The following ZDHHC18 variants were observed in gnomAD, a reference collection of about 807,000 sequenced individuals.
The protein encoded by ZDHHC18 is palmitoyltransferase ZDHHC18.
In ZDHHC18, 23 loss-of-function variants were observed where a neutral mutation model predicts 37.5. The observed-to-expected ratio is 0.61, with a 90% CI of 0.44 to 0.87. The LOEUF (loss-of-function observed/expected upper bound fraction) is 0.87. Ranked by LOEUF, ZDHHC18 falls within the 40% of genes least tolerant of loss-of-function variation. ZDHHC18 has a pLI of 0.00. For synonymous variants in ZDHHC18, 185 were observed against 218.7 expected (o/e 0.85, Z 1.36); for missense variants, 406 against 525.6 (o/e 0.77, Z 2.22).
At chr1:26,841,123 CA>C (rs2081636995) in intron 2 of ZDHHC18, among the ~76,000 whole-genome samples, 3 of 151,998 alleles carry the variant, frequency 2.0e-5, no homozygotes, top group Admixed American at 2.0e-4. Flanking sequence ...ATTACAGGTG[CA>C]CACCACCACA....
intron 6 of ZDHHC18, among the ~76,000 whole-genome samples, chr1:26,851,847 C>G (rs1403478821): frequency 6.6e-6 from 1 of 152,250 alleles, no homozygotes; most frequent in Non-Finnish European, 1.5e-5. Flanking sequence ...CTCCATTGAC[C>G]TTCCCTGCCT....
intron 2 of ZDHHC18, among the ~76,000 whole-genome samples, chr1:26,844,237 C>G (rs1402189920): frequency 6.6e-6 from 1 of 152,108 alleles, no homozygotes; most frequent in Non-Finnish European, 1.5e-5. Context: ...TGGGGTTTCA[C>G]CATGTTGGCC....
In ZDHHC18 at chr1:26,850,168, C is replaced by A; in HGVS notation, c.647-133C>A. ...ACAAAGGACCAGAGGCAGGTGTGTCCAAGGCCTGGGAGCCAGCTGGTGCTG... is the reference window on the plus strand; with the variant it reads ...ACAAAGGACCAGAGGCAGGTGTGTCAAAGGCCTGGGAGCCAGCTGGTGCTG... On this transcript the variant is annotated intron_variant, in intron 3 of 7. Transcript: ENST00000374142. This position sits in a 1 kb window ranked among gnomAD's most constrained non-coding sequence, Gnocchi z 6.1. 8.6e-7 allele frequency: 1 copy of A among 1,169,320 alleles called. No individual in the cohort carries two copies. Among genetic ancestry groups the A allele is most frequent in the Non-Finnish European group, 1.2e-6 (1 of 829,732 alleles). The allele number at this position is 1,169,320 out of a possible 1,614,324, so 72.4% of individuals were successfully genotyped here.
intron 2 of ZDHHC18, among the ~76,000 whole-genome samples, chr1:26,833,124 T>C (rs941807734): frequency 1.2e-4 from 19 of 152,332 alleles, no homozygotes; most frequent in Middle Eastern, 3.4e-3. Flanking sequence ...CTAGATGTGA[T>C]ACAGCAGTGA....
At chr1:26,831,162 A>G (rs1054255359) in intron 1 of ZDHHC18, among the ~76,000 whole-genome samples, 1 of 152,212 alleles carries the variant, frequency 6.6e-6, no homozygotes, top group African/African-American at 2.4e-5. Flanking sequence ...TACAGGAAAG[A>G]AAGAGCATTG....
At chr1:26,853,029 T>C in intron 7 of ZDHHC18, 164 bp downstream of exon 7, 2 of 604,946 alleles carry the variant, frequency 3.3e-6, no homozygotes, top group Non-Finnish European at 5.7e-6. Context: ...GAATTGTTAT[T>C]TAATCACGTG....
rs1040833397 is a variant in ZDHHC18 at position 26,850,820 on chromosome 1, GAA to G, written c.833+217_833+218del. 2.6e-5 allele frequency among the ~76,000 whole-genome samples: 4 copies of G among 152,180 alleles called. No homozygotes were observed. Among genetic ancestry groups the G allele is most frequent in the Non-Finnish European group, 4.4e-5 (3 of 68,036 alleles). ...GGGGTTCCTCGTCTTCAGGGGCCTG[GAA>G]AAGAGTATGTCCCTTAAGATGCCAA... On this transcript the variant is annotated intron_variant, in intron 5 of 7. Coordinates refer to ENST00000374142, the MANE Select transcript of ZDHHC18 (RefSeq NM_032283.3). The surrounding 1 kb of genome is among the most constrained non-coding windows in gnomAD (Gnocchi z 6.1).
At chr1:26,827,197 C>T in intron 1 of ZDHHC18, 58 bp downstream of exon 1, 1 of 1,274,420 alleles carries the variant, frequency 7.8e-7, no homozygotes, top group South Asian at 2.3e-5. Context: ...CCCACCTTCC[C>T]AATCCCTGCT....
chr1:26,836,546 C>T (rs1570668166), intron 2 of ZDHHC18, among the ~76,000 whole-genome samples: 1 of 150,690 alleles, frequency 6.6e-6, no homozygotes, highest in African/African-American at 2.4e-5. Context: ...CGCCTTGTAC[C>T]TTCATTTCTT....
In ZDHHC18 at chr1:26,856,093, C is replaced by T. The variant is rs556533871; in HGVS notation, c.*2250C>T. The T allele has an allele frequency of 3.4e-5, 14 of 411,190 alleles. No individual in the cohort carries two copies. The highest frequency in any genetic ancestry group is 4.1e-5 in the Non-Finnish European group (8 of 192,938). 25.5% of individuals were successfully genotyped at this position (411,190 alleles called of 1,614,324 possible). A position where few individuals can be genotyped will look rare whatever the true frequency, so the allele number is the denominator to read the frequency against. ...AGACAGTAGATTCCAGTTTGAGAGC[C>T]GGAGCTTCCCTGGCTACCACCTCCA... On this transcript the variant is annotated 3_prime_UTR_variant, in exon 8 of 8. Coordinates refer to ENST00000374142, the MANE Select transcript of ZDHHC18 (RefSeq NM_032283.3). The surrounding 1 kb of genome is among the most constrained non-coding windows in gnomAD (Gnocchi z 5.2).
chr1:26,840,938 G>A (rs922001230), intron 2 of ZDHHC18, among the ~76,000 whole-genome samples: 4 of 144,934 alleles, frequency 2.8e-5, no homozygotes, highest in Admixed American at 1.4e-4. Context: ...TCAGTCTCCC[G>A]TGTAGCTAGA....
intron 2 of ZDHHC18, among the ~76,000 whole-genome samples, chr1:26,841,373 A>G (rs1175833398): frequency 5.3e-5 from 8 of 152,104 alleles, no homozygotes; most frequent in Non-Finnish European, 1.0e-4. Flanking sequence ...GCCTCAAGCA[A>G]TCCTCCTGCT....
At chr1:26,851,271 C>T (rs746908978) in intron 6 of ZDHHC18, 40 bp downstream of exon 6, 1 of 1,596,564 alleles carries the variant, frequency 6.3e-7, no homozygotes, top group Non-Finnish European at 8.6e-7. Context: ...TAGGGCAGCG[C>T]CCTCAGGAGG....
At chr1:26,835,210 AGTTAGGGATATT>A (rs1557641033) in intron 2 of ZDHHC18, among the ~76,000 whole-genome samples, 1 of 152,232 alleles carries the variant, frequency 6.6e-6, no homozygotes, top group East Asian at 1.9e-4. Flanking sequence ...CACTTCAGAT[AGTTAGGGATATT>A]AGAGATATTC....
chr1:26,839,628 C>T (rs1044346957), intron 2 of ZDHHC18, among the ~76,000 whole-genome samples: 4 of 152,160 alleles, frequency 2.6e-5, no homozygotes, highest in African/African-American at 7.2e-5. Context: ...CTCACAGGCA[C>T]GGATCCCCTT....
intron 2 of ZDHHC18, among the ~76,000 whole-genome samples, chr1:26,845,706 A>T (rs1366117350): frequency 6.6e-6 from 1 of 152,004 alleles, no homozygotes; most frequent in Non-Finnish European, 1.5e-5. Flanking sequence ...ATGAAAAAAA[A>T]ATTTAATTTT....
chr1:26,852,713 A>G (rs186326598), intron 6 of ZDHHC18, 40 bp from the exon 7 acceptor site: 1 of 1,578,328 alleles, frequency 6.3e-7, no homozygotes, highest in Admixed American at 1.7e-5. Flanking sequence ...AAAGTGAAGC[A>G]AAAGGAGGTA....
At chr1:26,845,168 A>G (rs980997740) in intron 2 of ZDHHC18, among the ~76,000 whole-genome samples, 66 of 151,046 alleles carry the variant, frequency 4.4e-4, no homozygotes, top group African/African-American at 1.5e-3. Flanking sequence ...GAGGTCATCC[A>G]CCTGCCTCGG....
At position 26,854,541 on chromosome 1, in the gene ZDHHC18, C is replaced by T. The variant is rs2081723681; in HGVS notation, c.*698C>T. ...AGCACAGTGGAAGTGGGAGCCTGGT[C>T]CTTCCCCTGCCCATGGAGAGCTCTT... On this transcript the variant is annotated 3_prime_UTR_variant, in exon 8 of 8. Transcript: ENST00000374142. This position sits in a 1 kb window ranked among gnomAD's most constrained non-coding sequence, Gnocchi z 4.6. The T allele has an allele frequency of 6.6e-6, 1 of 152,568 alleles. No individual in the cohort carries two copies. The highest frequency in any genetic ancestry group is 1.5e-5 in the Non-Finnish European group (1 of 68,048). The allele number at this position is 152,568 out of a possible 1,614,324, so 9.5% of individuals were successfully genotyped here.
Sources: allele counts gnomAD v4.1 joint callset (sites outside exome capture counted in the v4.1 genomes callset), GRCh38; gene constraint gnomAD v4.1.1; non-coding constraint Gnocchi (gnomAD v3.1); transcripts MANE v1.5; gene names NCBI Gene and HGNC (gene_info 2026-07-23, HGNC 2026-07-21).